EDC3: variants seen among roughly 807,000 people sequenced by gnomAD.
EDC3 encodes enhancer of mRNA decapping 3.
EDC3 carries 20 observed loss-of-function variants against 41.8 expected under a neutral mutation model. The observed-to-expected ratio is 0.48, with a 90% CI of 0.34 to 0.70. The LOEUF (loss-of-function observed/expected upper bound fraction) is 0.70, where lower values mean the gene tolerates loss of function less well. Ranked by LOEUF, EDC3 falls within the 30% of genes least tolerant of loss-of-function variation. EDC3 has a pLI of 0.01. For missense variants in EDC3, 444 were observed against 636.8 expected (o/e 0.70, Z 3.26); for synonymous variants, 206 against 243.2 (o/e 0.85, Z 1.42).
chr15:74,633,031 G>T, intron 6 of EDC3, 85 bp from the exon 7 acceptor site: 1 of 1,400,090 alleles, frequency 7.1e-7, no homozygotes, highest in Non-Finnish European at 9.7e-7. Flanking sequence ...CACCCCAAGG[G>T]TGTCTTTGTT....
At position 74,674,905 on chromosome 15, in the gene EDC3, G is replaced by A. The variant is rs977149557; in HGVS notation, c.164+56C>T. 9 of 1,600,518 alleles carry A rather than the reference G, an allele frequency of 5.6e-6. No individual in the cohort carries two copies. In the African/African-American group the frequency reaches 6.7e-5, roughly 12 times the overall value. On this transcript the variant is annotated intron_variant, in intron 2 of 6. Transcript: ENST00000315127. Reference sequence around the variant, plus strand: ...AGAGAATACTAGCAATCAGACCTAGGTTCAAGCTCCACAGACCACCAGGTT... The same window carrying A: ...AGAGAATACTAGCAATCAGACCTAGATTCAAGCTCCACAGACCACCAGGTT...
At chr15:74,683,466 C>T (rs1472123106) in intron 1 of EDC3, among the ~76,000 whole-genome samples, 2 of 152,122 alleles carry the variant, frequency 1.3e-5, no homozygotes, top group East Asian at 1.9e-4. Flanking sequence ...ACCCAGGAGG[C>T]GGAGGTCGCA....
At chr15:74,667,588 A>T (rs181751543) in intron 3 of EDC3, among the ~76,000 whole-genome samples, 63 of 152,152 alleles carry the variant, frequency 4.1e-4, no homozygotes, top group South Asian at 1.5e-3. Flanking sequence ...AAAAAAAAAA[A>T]AAATAAAATC....
intron 3 of EDC3, among the ~76,000 whole-genome samples, chr15:74,667,424 G>C (rs2062687437): frequency 7.5e-6 from 1 of 132,636 alleles, no homozygotes; most frequent in East Asian, 2.5e-4. Context: ...GAAGAAGAAA[G>C]AAAGGAGAAG....
In EDC3 at chr15:74,632,294, G is replaced by GTGACCATTTGGCATCAATGCC; in HGVS notation, c.*317_*318insGGCATTGATGCCAAATGGTCA. 2.8e-6 allele frequency: 1 copy of GTGACCATTTGGCATCAATGCC among 355,840 alleles called. No individual in the cohort carries two copies. The highest frequency in any genetic ancestry group is 5.7e-5 in the East Asian group (1 of 17,566). 22.0% of individuals were successfully genotyped at this position (355,840 alleles called of 1,614,324 possible). ...TCAATGTGTGTGCCCAGGCCCAGTG[G>GTGACCATTTGGCATCAATGCC]CTGTAAACCTGAAACACAGTCTTGA... is the stretch of plus-strand genomic sequence containing the variant. On this transcript the variant is annotated 3_prime_UTR_variant, in exon 7 of 7. Coordinates refer to ENST00000315127, the MANE Select transcript of EDC3 (RefSeq NM_025083.5). This position sits in a 1 kb window ranked among gnomAD's most constrained non-coding sequence, Gnocchi z 4.0.
At chr15:74,658,088 C>T (rs1042895856) in intron 3 of EDC3, among the ~76,000 whole-genome samples, 8 of 152,182 alleles carry the variant, frequency 5.3e-5, no homozygotes, top group African/African-American at 1.9e-4. Context: ...AAACCACCCA[C>T]CCCCAGAGAA....
chr15:74,640,743 C>T (rs1281187548), intron 4 of EDC3, 124 bp from the exon 5 acceptor site: 14 of 1,244,774 alleles, frequency 1.1e-5, no homozygotes, highest in Non-Finnish European at 1.5e-5. Context: ...GGCCCATCCT[C>T]TTCATCTTCC....
chr15:74,656,436 CACACAA>C (rs1466311381), intron 3 of EDC3, among the ~76,000 whole-genome samples: 1 of 151,854 alleles, frequency 6.6e-6, no homozygotes, highest in Non-Finnish European at 1.5e-5. Context: ...CACACACACA[CACACAA>C]ACAACAACAA....
At chr15:74,672,755 C>T (rs2062753842) in intron 2 of EDC3, among the ~76,000 whole-genome samples, 1 of 151,650 alleles carries the variant, frequency 6.6e-6, no homozygotes, top group Non-Finnish European at 1.5e-5. Context: ...GCAAAGGTTA[C>T]AGTGAGCAGA....
chr15:74,673,748 G>A (rs963595992), intron 2 of EDC3, among the ~76,000 whole-genome samples: 2 of 151,610 alleles, frequency 1.3e-5, no homozygotes, highest in East Asian at 1.9e-4. Flanking sequence ...GCTGAGGCAG[G>A]AGAATGGCAT....
intron 1 of EDC3, among the ~76,000 whole-genome samples, chr15:74,679,581 A>G (rs2141665305): frequency 6.6e-6 from 1 of 152,152 alleles, no homozygotes; most frequent in Middle Eastern, 3.4e-3. Context: ...ACTATCCCCC[A>G]TGAATGTAAA....
chr15:74,642,224 G>C (rs1004501408), intron 4 of EDC3: 1 of 152,186 alleles, frequency 6.6e-6, no homozygotes, highest in African/African-American at 2.4e-5. Flanking sequence ...AAGGTCTAAC[G>C]TATCAAATAA....
chr15:74,654,781 A>G (rs2062525366), intron 4 of EDC3, among the ~76,000 whole-genome samples: 1 of 151,990 alleles, frequency 6.6e-6, no homozygotes. Context: ...GAGTCCTACT[A>G]TTATCTATAA....
At chr15:74,662,746 G>A (rs1303358521) in intron 3 of EDC3, among the ~76,000 whole-genome samples, 1 of 152,154 alleles carries the variant, frequency 6.6e-6, no homozygotes, top group African/African-American at 2.4e-5. Flanking sequence ...CAGGGTTAAG[G>A]AAGCAAAATG....
intron 4 of EDC3, among the ~76,000 whole-genome samples, chr15:74,645,714 C>CAA (rs745913868): frequency 1.0e-5 from 1 of 99,696 alleles, no homozygotes; most frequent in Non-Finnish European, 2.2e-5. Context: ...ACTAAAAATA[C>CAA]AAAAAAAAAA....
At chr15:74,661,372 C>CTA (rs1196268524) in intron 3 of EDC3, among the ~76,000 whole-genome samples, 1 of 152,304 alleles carries the variant, frequency 6.6e-6, no homozygotes, top group South Asian at 2.1e-4. Context: ...ACTCTGCAAA[C>CTA]TATAGCTCAT....
In EDC3 at chr15:74,632,621, G is replaced by C. The variant is rs750912789; in HGVS notation, c.1518C>G (p.His506Gln). The C allele has an allele frequency of 6.2e-7, 1 of 1,613,714 alleles. No individual in the cohort carries two copies. The highest frequency in any genetic ancestry group is 8.5e-7 in the Non-Finnish European group (1 of 1,179,988). ...PFGCKFVIPL[H>Q]SA ...CCTGCGCAGGAACCCTCTAAGCAGA[G>C]TGCAGTGGGATAACAAACTTGCAGC... The change falls in exon 7 of 7, where the codon CAC becomes CAG. Residue 506 changes from histidine to glutamine, a missense_variant. Physicochemically the swap from His to Gln is conservative, Grantham distance 24. Around this residue, in one of 3 missense-constraint regions of EDC3, gnomAD observed 242 missense variants for 363.8 expected, o/e 0.67. Coordinates refer to ENST00000315127, the MANE Select transcript of EDC3 (RefSeq NM_025083.5). This position sits in a 1 kb window ranked among gnomAD's most constrained non-coding sequence, Gnocchi z 4.0.
rs139977385 is a variant in EDC3, at chr15:74,657,394, T to C, written c.485-1326A>G. 1.2e-3 allele frequency among the ~76,000 whole-genome samples: 178 copies of C among 152,364 alleles called. No homozygotes were observed. The Middle Eastern group carries it at 0.017, about 15-fold the overall frequency. ...ACAGTGGGTCTGAGTGAGTGGAGTT[T>C]GATCCCACTGGCACTGAAACAGACA... is the stretch of plus-strand genomic sequence containing the variant. On this transcript the variant is annotated intron_variant, in intron 3 of 6. Coordinates refer to ENST00000315127, the MANE Select transcript of EDC3 (RefSeq NM_025083.5).
intron 1 of EDC3, among the ~76,000 whole-genome samples, chr15:74,681,214 C>T (rs142696642): frequency 0.023 from 3,561 of 152,222 alleles, 143 homozygotes; most frequent in African/African-American, 0.081. Flanking sequence ...AGTGCAGTGG[C>T]GCAATCTCGG....
Sources: allele counts gnomAD v4.1 joint callset (sites outside exome capture counted in the v4.1 genomes callset), GRCh38; gene constraint gnomAD v4.1.1; regional missense constraint gnomAD v4.1.1; non-coding constraint Gnocchi (gnomAD v3.1); transcripts MANE v1.5; gene names NCBI Gene and HGNC (gene_info 2026-07-23, HGNC 2026-07-21).